Variants in ANPEP observed in about 807,000 individuals in gnomAD.
ANPEP encodes aminopeptidase N.
A neutral mutation model predicts 114.6 loss-of-function variants in ANPEP; 70 were observed. That is an observed-to-expected ratio of 0.61 (90% CI 0.50 to 0.75). The LOEUF (loss-of-function observed/expected upper bound fraction) is 0.75, where lower values mean the gene tolerates loss of function less well. Ranked by LOEUF, ANPEP falls within the 30% of genes least tolerant of loss-of-function variation. The pLI, the probability that ANPEP is intolerant of heterozygous loss-of-function variation, is 0.00. For synonymous variants in ANPEP, 548 were observed against 522.3 expected (o/e 1.05, Z -0.67); for missense variants, 1,184 against 1,259.5 (o/e 0.94, Z 0.91).
rs772424459 is a variant in ANPEP, at chr15:89,803,996, C to T, written c.1186G>A (p.Gly396Arg). 3.1e-6 allele frequency: 5 copies of T among 1,613,908 alleles called. No homozygotes were observed. The highest frequency in any genetic ancestry group is 1.3e-5 in the African/African-American group (1 of 74,936). Residue 396 changes from glycine to arginine, a missense_variant, in exon 7 of 21, where the codon GGG (glycine) becomes AGG (arginine). Coordinates refer to ENST00000300060, the MANE Select transcript of ANPEP (RefSeq NM_001150.3). This position sits in a 1 kb window ranked among gnomAD's most constrained non-coding sequence, Gnocchi z 4.2. ...CACCACTCTATGGTCACCAGGTTCC[C>T]GAACCACTGTGGGGGGAGGGGTCAG... ...IAHELAHQWFGNLVTIEWWND... is the reference protein window; with the variant it reads ...IAHELAHQWFRNLVTIEWWND...
rs201639683 is a variant in ANPEP, at chr15:89,792,452, G to A, written c.2360C>T (p.Pro787Leu). 19 of 1,613,814 alleles carry A rather than the reference G, an allele frequency of 1.2e-5. No individual in the cohort carries two copies. Among genetic ancestry groups the A allele is most frequent in the Non-Finnish European group, 1.4e-5 (17 of 1,179,858 alleles). ...KQWMENPNNN[P>L]IHPNLRSTVY... ...GAGGAGGCGCAGGGGAGACACTCACGGGTTATTATTGGGGTTCTCCATCCA... is the reference window on the plus strand; with the variant it reads ...GAGGAGGCGCAGGGGAGACACTCACAGGTTATTATTGGGGTTCTCCATCCA... The change falls in exon 17 of 21, where the codon CCG becomes CTG. Residue 787 changes from proline to leucine, a missense_variant and splice_region_variant. Transcript: ENST00000300060.
chr15:89,797,673 T>G lies in ANPEP; in HGVS notation c.2059A>C (p.Ile687Leu), dbSNP rs1968756506. 6.2e-7 allele frequency: 1 copy of G among 1,614,098 alleles called. No homozygotes were observed. The highest frequency in any genetic ancestry group is 8.5e-7 in the Non-Finnish European group (1 of 1,180,020). Residue 687 changes from isoleucine to leucine, a missense_variant, in exon 15 of 21, where the codon ATT becomes CTT. Physicochemically the swap from Ile to Leu is conservative, Grantham distance 5 (BLOSUM62 2). Coordinates refer to ENST00000300060, the MANE Select transcript of ANPEP (RefSeq NM_001150.3). ...TLALNNTLFL[I>L]EERQYMPWEA... is the part of the protein sequence containing the mutation. ...CAGGGCATGTACTGTCTCTCTTCAA[T>G]CAGGAAGAGGGTGTTGTTCAGCGCC...
rs763520754 is a variant in ANPEP, at chr15:89,799,175, C to T, written c.2009+85G>A. ...AGCACGTGGCATATGGGAAGGGCAG[C>T]AGGAGGAGCAGGGGCCCTCATTGTG... On this transcript the variant is annotated intron_variant, in intron 14 of 20. Transcript: ENST00000300060. The surrounding 1 kb of genome is among the most constrained non-coding windows in gnomAD (Gnocchi z 4.2). 7 of 1,505,590 alleles carry T rather than the reference C, an allele frequency of 4.6e-6. No homozygotes were observed. Among genetic ancestry groups the T allele is most frequent in the South Asian group, 1.1e-5 (1 of 87,824 alleles). The allele number at this position is 1,505,590 out of a possible 1,614,324, so 93.3% of individuals were successfully genotyped here.
intron 15 of ANPEP, 107 bp downstream of exon 15, chr15:89,797,468 G>T: frequency 1.4e-6 from 2 of 1,417,454 alleles, no homozygotes; most frequent in Non-Finnish European, 1.9e-6. Context: ...GCTTTTGAAG[G>T]TTCCCTGACC....
intron 1 of ANPEP, among the ~76,000 whole-genome samples, chr15:89,811,869 C>T (rs1205581006): frequency 6.6e-6 from 1 of 152,136 alleles, no homozygotes; most frequent in Non-Finnish European, 1.5e-5. Context: ...AGAAGCCGAG[C>T]TCTCAACCCA....
Position 89,807,312 on chromosome 15 carries a change from T to C in ANPEP, c.-223-506A>G, listed in dbSNP as rs142155035. Among the ~76,000 whole-genome samples the C allele has an allele frequency of 3.0e-4, 45 of 152,330 alleles. No individual in the cohort carries two copies. The East Asian group carries it at 8.3e-3, about 28-fold the overall frequency. ...GCAGGTAACTTTACCCTTCTGAACCTCTCTCCTCATAAATAAATAACAGTA... is the reference window on the plus strand; with the variant it reads ...GCAGGTAACTTTACCCTTCTGAACCCCTCTCCTCATAAATAAATAACAGTA... On this transcript the variant is annotated intron_variant, in intron 1 of 20. Transcript: ENST00000300060.
In ANPEP at chr15:89,806,320, C is replaced by A. The variant is rs1446758556; in HGVS notation, c.264G>T (p.Thr88=). The change falls in exon 2 of 21, where the codon ACG becomes ACT. Residue 88 remains threonine (T), a synonymous_variant. Transcript: ENST00000300060. This position sits in a 1 kb window ranked among gnomAD's most constrained non-coding sequence, Gnocchi z 5.7. ...NTLKPDSYRV[T]LRPYLTPNDR... is the part of the protein sequence containing the mutation. ...CATTGGGGGTGAGGTACGGTCTCAG[C>A]GTCACCCGGTAGGAATCGGGTTTCA... is the stretch of plus-strand genomic sequence containing the variant. 3 of 1,614,122 alleles carry A rather than the reference C, an allele frequency of 1.9e-6. No individual in the cohort carries two copies. The highest frequency in any genetic ancestry group is 4.5e-5 in the East Asian group (2 of 44,884).
chr15:89,813,990 C>T (rs1161725282), intron 1 of ANPEP, among the ~76,000 whole-genome samples: 3 of 93,844 alleles, frequency 3.2e-5, no homozygotes, highest in Non-Finnish European at 5.8e-5. Flanking sequence ...CACCGCACTG[C>T]TGGGGGGGGG....
Position 89,806,027 on chromosome 15 carries a change from A to G in ANPEP, c.557T>C (p.Leu186Ser), listed in dbSNP as rs745584721. The G allele has an allele frequency of 6.2e-7, 1 of 1,610,870 alleles. No homozygotes were observed. Among genetic ancestry groups the G allele is most frequent in the South Asian group, 1.1e-5 (1 of 90,968 alleles). Residue 186 changes from leucine to serine, a missense_variant, in exon 2 of 21, where the codon TTG becomes TCG. Coordinates refer to ENST00000300060, the MANE Select transcript of ANPEP (RefSeq NM_001150.3). The surrounding 1 kb of genome is among the most constrained non-coding windows in gnomAD (Gnocchi z 5.7). ...YEMDSEFEGE[L>S]ADDLAGFYRS... ...GTAGAAGCCCGCCAGGTCATCTGCC[A>G]ACTCCCCCTCGAACTCGCTGTCCAT...
rs779307728 is a variant in ANPEP, at chr15:89,803,279, T to C, written c.1529A>G (p.Gln510Arg). Reference protein sequence around the residue: ...LASYLHTFAYQNTIYLNLWDH... With the variant: ...LASYLHTFAYRNTIYLNLWDH... ...CCACAGGTTCAGGTAGATGGTGTTCTGGTAGGCAAAGGTGTGGAGGTAGGA... is the reference window on the plus strand; with the variant it reads ...CCACAGGTTCAGGTAGATGGTGTTCCGGTAGGCAAAGGTGTGGAGGTAGGA... Residue 510 changes from glutamine (Q) to arginine (R), a missense_variant, in exon 10 of 21, where the codon CAG (glutamine) becomes CGG (arginine). Transcript: ENST00000300060. This position sits in a 1 kb window ranked among gnomAD's most constrained non-coding sequence, Gnocchi z 4.2. The C allele has an allele frequency of 4.3e-6, 7 of 1,613,994 alleles. No homozygotes were observed. The highest frequency in any genetic ancestry group is 1.7e-5 in the Admixed American group (1 of 60,006).
Position 89,804,523 on chromosome 15 carries a change from T to C in ANPEP, c.992A>G (p.His331Arg), listed in dbSNP as rs201350251. ...TGGGAGTGGGTAGGGTGTGTCATAA[T>C]GACCAGCAAAGAAGTTAAGGATGGG... ...TGPILNFFAGHYDTPYPLPKS... is the reference protein window; with the variant it reads ...TGPILNFFAGRYDTPYPLPKS... The change falls in exon 5 of 21, where the codon CAT (histidine) becomes CGT (arginine). Residue 331 changes from histidine to arginine, a missense_variant. Physicochemically the swap from His to Arg is conservative, Grantham distance 29 (BLOSUM62 0). Coordinates refer to ENST00000300060, the MANE Select transcript of ANPEP (RefSeq NM_001150.3). 1.7e-4 allele frequency: 279 copies of C among 1,614,206 alleles called. No homozygotes were observed. The Middle Eastern group carries it at 1.8e-3, about 10-fold the overall frequency.
intron 20 of ANPEP, among the ~76,000 whole-genome samples, chr15:89,785,869 T>A (rs1055792537): frequency 6.7e-6 from 1 of 149,978 alleles, no homozygotes; most frequent in African/African-American, 2.4e-5. Context: ...TAAATGGGTT[T>A]AAAAAAAAAA....
chr15:89,799,344 T>C lies in ANPEP; in HGVS notation c.1954-29A>G, dbSNP rs778521966. 5.0e-6 allele frequency: 8 copies of C among 1,614,106 alleles called. No individual in the cohort carries two copies. In the South Asian group the frequency reaches 8.8e-5, roughly 18 times the overall value. On this transcript the variant is annotated intron_variant, in intron 13 of 20. Transcript: ENST00000300060. The surrounding 1 kb of genome is among the most constrained non-coding windows in gnomAD (Gnocchi z 4.2). ...GAATGCGAAGCACAGCATGTGACCA[T>C]GGGTTGGCTGTGGGTGGCAGGCCTT... is the stretch of plus-strand genomic sequence containing the variant.
At position 89,805,223 on chromosome 15, in the gene ANPEP, C is replaced by T. The variant is rs1477656605; in HGVS notation, c.758-6G>A. ...TGGAAGTGGGGTGCTGGGACCTGGG[C>T]AGGGAGCATGTGTGTGTGAGGACGT... On this transcript the variant is annotated splice_region_variant and splice_polypyrimidine_tract_variant and intron_variant, in intron 3 of 20. Coordinates refer to ENST00000300060, the MANE Select transcript of ANPEP (RefSeq NM_001150.3). The T allele has an allele frequency of 1.9e-6, 3 of 1,614,064 alleles. No individual in the cohort carries two copies. The highest frequency in any genetic ancestry group is 2.5e-6 in the Non-Finnish European group (3 of 1,180,034).
chr15:89,794,312 CGA>C (rs1567156109), intron 15 of ANPEP, among the ~76,000 whole-genome samples: 1 of 151,754 alleles, frequency 6.6e-6, no homozygotes, highest in African/African-American at 2.4e-5. Flanking sequence ...GGTGAAACCC[CGA>C]AGCTACTAAA....
intron 1 of ANPEP, among the ~76,000 whole-genome samples, chr15:89,811,478 C>T (rs897776305): frequency 6.6e-6 from 1 of 151,704 alleles, no homozygotes; most frequent in Admixed American, 6.6e-5. Context: ...AACCTCATCT[C>T]TACTAAAAAT....
chr15:89,795,986 G>A (rs1295930297), intron 15 of ANPEP, among the ~76,000 whole-genome samples: 1 of 152,232 alleles, frequency 6.6e-6, no homozygotes, highest in Non-Finnish European at 1.5e-5. Context: ...AGGCCAAGGA[G>A]GGAGGATTGC....
Position 89,805,482 on chromosome 15 carries a change from T to G in ANPEP, c.615-19A>C, listed in dbSNP as rs1377789037. On this transcript the variant is annotated intron_variant, in intron 2 of 20. Coordinates refer to ENST00000300060, the MANE Select transcript of ANPEP (RefSeq NM_001150.3). ...CACCACCCTGCCCCAACAGGAAGGT[T>G]AGAGGGTGTGCCAGAGCTGGGGGTG... The G allele has an allele frequency of 1.2e-6, 2 of 1,613,248 alleles. No individual in the cohort carries two copies. The highest frequency in any genetic ancestry group is 2.7e-5 in the African/African-American group (2 of 74,872).
chr15:89,806,943 G>T lies in ANPEP; in HGVS notation c.-223-137C>A, dbSNP rs145083524. ...GGTGGCATTGCATTGATCTGCTTGA[G>T]AGCTGAGAGGGTGGGAACAGCATCA... On this transcript the variant is annotated intron_variant, in intron 1 of 20. Coordinates refer to ENST00000300060, the MANE Select transcript of ANPEP (RefSeq NM_001150.3). The surrounding 1 kb of genome is among the most constrained non-coding windows in gnomAD (Gnocchi z 5.7). 5.1e-4 allele frequency: 126 copies of T among 245,170 alleles called. No individual in the cohort carries two copies. The highest frequency in any genetic ancestry group is 7.5e-4 in the Non-Finnish European group (93 of 124,180). 15.2% of individuals were successfully genotyped at this position (245,170 alleles called of 1,614,324 possible).
Sources: allele counts gnomAD v4.1 joint callset (sites outside exome capture counted in the v4.1 genomes callset), GRCh38; gene constraint gnomAD v4.1.1; non-coding constraint Gnocchi (gnomAD v3.1); transcripts MANE v1.5; gene names NCBI Gene and HGNC (gene_info 2026-07-23, HGNC 2026-07-21).